RAB31: variants seen among roughly 807,000 people sequenced by gnomAD.
RAB31 encodes RAB31, member RAS oncogene family, also known as ras-related protein Rab-31.
Under a neutral mutation model 25.6 loss-of-function variants are expected in RAB31, and 21 were observed. The ratio of observed to expected loss-of-function variants is 0.82; its 90% CI spans 0.58 to 1.18. The LOEUF (loss-of-function observed/expected upper bound fraction) is 1.18. Among genes scored for constraint, RAB31 ranks in the 50% most tolerant of loss-of-function variants. The pLI, the probability that RAB31 is intolerant of heterozygous loss-of-function variation, is 0.00. For synonymous variants in RAB31, 87 were observed against 84.0 expected (o/e 1.04, Z -0.20); for missense variants, 196 against 250.1 (o/e 0.78, Z 1.46).
intron 1 of RAB31, among the ~76,000 whole-genome samples, chr18:9,731,595 G>GGTTT (rs2068122925): frequency 1.2e-5 from 1 of 81,736 alleles, no homozygotes; most frequent in Admixed American, 1.2e-4. Flanking sequence ...CTGGGAATTT[G>GGTTT]CTTTTTTTTT....
intron 5 of RAB31, among the ~76,000 whole-genome samples, chr18:9,835,864 A>G (rs2068701762): frequency 6.6e-6 from 1 of 152,114 alleles, no homozygotes. Flanking sequence ...TGTGTTACAT[A>G]GACATCTTGG....
chr18:9,786,614 C>T (rs1438521386), intron 2 of RAB31, among the ~76,000 whole-genome samples: 1 of 152,198 alleles, frequency 6.6e-6, no homozygotes, highest in Non-Finnish European at 1.5e-5. Flanking sequence ...TAGCTGGTAT[C>T]TGCTGCTGGT....
chr18:9,717,388 C>T (rs1010289093), intron 1 of RAB31, among the ~76,000 whole-genome samples: 6 of 152,264 alleles, frequency 3.9e-5, no homozygotes, highest in Admixed American at 1.3e-4. Context: ...TCAGTTCCCC[C>T]AGAGGTGCCT....
chr18:9,854,045 G>A (rs1223518247), intron 6 of RAB31, among the ~76,000 whole-genome samples: 1 of 148,998 alleles, frequency 6.7e-6, no homozygotes, highest in East Asian at 2.0e-4. Context: ...ATATGCCATA[G>A]TGGTTTGCTG....
intron 3 of RAB31, among the ~76,000 whole-genome samples, chr18:9,805,689 C>T (rs953324185): frequency 6.6e-6 from 1 of 152,226 alleles, no homozygotes; most frequent in Non-Finnish European, 1.5e-5. Flanking sequence ...CTGCTCAGAA[C>T]AGTGCCTGCC....
intron 3 of RAB31, among the ~76,000 whole-genome samples, chr18:9,806,529 G>A (rs988338826): frequency 6.6e-6 from 1 of 152,056 alleles, no homozygotes; most frequent in Non-Finnish European, 1.5e-5. Flanking sequence ...CAGCGAGAAG[G>A]CCGGGGCTGG....
At position 9,811,740 on chromosome 18, in the gene RAB31, A is replaced by T. The variant is rs559730976; in HGVS notation, c.202-2280A>T. 1.9e-4 allele frequency among the ~76,000 whole-genome samples: 29 copies of T among 152,328 alleles called. No individual in the cohort carries two copies. The South Asian group carries it at 6.0e-3, about 32-fold the overall frequency. On this transcript the variant is annotated intron_variant, in intron 3 of 6. Coordinates refer to ENST00000578921, the MANE Select transcript of RAB31 (RefSeq NM_006868.4). The stretch of plus-strand genomic sequence containing the variant: ...TCCCACATACATTTTACCCTACATT[A>T]TATTATCATATAATGATAAATTAAC...
chr18:9,761,727 G>T (rs1311642182), intron 1 of RAB31, among the ~76,000 whole-genome samples: 1 of 152,226 alleles, frequency 6.6e-6, no homozygotes, highest in Admixed American at 6.5e-5. Context: ...TCCTCTTCAT[G>T]CATGGCAGCT....
At chr18:9,802,497 A>G (rs2068519070) in intron 3 of RAB31, among the ~76,000 whole-genome samples, 1 of 152,246 alleles carries the variant, frequency 6.6e-6, no homozygotes, top group Non-Finnish European at 1.5e-5. Context: ...CAACATAGTG[A>G]GACCCTGTCT....
chr18:9,744,685 GT>G (rs2068196806), intron 1 of RAB31, among the ~76,000 whole-genome samples: 1 of 152,132 alleles, frequency 6.6e-6, no homozygotes, highest in South Asian at 2.1e-4. Flanking sequence ...GACATTGGAA[GT>G]TTTTCTCTTA....
chr18:9,855,758 T>C (rs1432914989), intron 6 of RAB31, among the ~76,000 whole-genome samples: 3 of 152,156 alleles, frequency 2.0e-5, no homozygotes, highest in Non-Finnish European at 4.4e-5. Flanking sequence ...AAGGTTGGCA[T>C]GTGTGTGACT....
chr18:9,808,034 T>G (rs1193192451), intron 3 of RAB31, among the ~76,000 whole-genome samples: 1 of 152,176 alleles, frequency 6.6e-6, no homozygotes, highest in African/African-American at 2.4e-5. Context: ...TGTGGAAAGA[T>G]GTTTGGATTT....
chr18:9,737,709 G>A (rs1438419814), intron 1 of RAB31, among the ~76,000 whole-genome samples: 1 of 152,154 alleles, frequency 6.6e-6, no homozygotes, highest in Non-Finnish European at 1.5e-5. Flanking sequence ...AGGTTGTCAC[G>A]ACGGCAGAAA....
chr18:9,767,544 C>T (rs1412082813), intron 1 of RAB31, among the ~76,000 whole-genome samples: 1 of 152,146 alleles, frequency 6.6e-6, no homozygotes, highest in African/African-American at 2.4e-5. Context: ...TCAGTGCCCA[C>T]TTTGATCGAG....
chr18:9,806,851 G>A (rs942114851), intron 3 of RAB31, among the ~76,000 whole-genome samples: 4 of 152,178 alleles, frequency 2.6e-5, no homozygotes, highest in African/African-American at 9.7e-5. Context: ...ATGAGAAGAT[G>A]GAAGTCCATT....
chr18:9,710,750 C>A (rs926133980), intron 1 of RAB31, among the ~76,000 whole-genome samples: 1 of 151,932 alleles, frequency 6.6e-6, no homozygotes, highest in Admixed American at 6.6e-5. Flanking sequence ...CCCAGCTACT[C>A]GGGAGGCTGA....
chr18:9,803,399 C>A (rs2068523940), intron 3 of RAB31, among the ~76,000 whole-genome samples: 1 of 152,070 alleles, frequency 6.6e-6, no homozygotes, highest in Non-Finnish European at 1.5e-5. Context: ...CTATGCCTGG[C>A]TAATATTTTT....
chr18:9,740,232 T>C (rs2068171380), intron 1 of RAB31, among the ~76,000 whole-genome samples: 1 of 152,216 alleles, frequency 6.6e-6, no homozygotes, highest in African/African-American at 2.4e-5. Flanking sequence ...ATGCCAGTCA[T>C]ATGATGAGTT....
At chr18:9,721,370 T>G (rs2068072865) in intron 1 of RAB31, among the ~76,000 whole-genome samples, 1 of 151,990 alleles carries the variant, frequency 6.6e-6, no homozygotes, top group South Asian at 2.1e-4. Context: ...TCCCAGCACT[T>G]CGGGAGGCCA....
Sources: allele counts gnomAD v4.1 joint callset (sites outside exome capture counted in the v4.1 genomes callset), GRCh38; gene constraint gnomAD v4.1.1; transcripts MANE v1.5; gene names NCBI Gene and HGNC (gene_info 2026-07-23, HGNC 2026-07-21).